PLXNA4: variants seen among roughly 807,000 people sequenced by gnomAD.
PLXNA4 encodes the protein plexin A4, also known as plexin-A4.
A neutral mutation model predicts 191.8 loss-of-function variants in PLXNA4; 44 were observed. The ratio of observed to expected loss-of-function variants is 0.23; its 90% CI spans 0.18 to 0.29. The LOEUF (loss-of-function observed/expected upper bound fraction) is 0.29, where lower values mean the gene tolerates loss of function less well. Among genes scored for constraint, PLXNA4 ranks in the 10% least tolerant of loss-of-function variants. The pLI is 1.00. For synonymous variants in PLXNA4, 1,082 were observed against 1,009.5 expected, an observed-to-expected ratio of 1.07 and a Z score of -1.36; for missense variants, 1,800 against 2,488.8, an observed-to-expected ratio of 0.72 and a Z score of 5.89.
chr7:132,241,236 G>T, intron 4 of PLXNA4, 70 bp from the exon 5 acceptor site: 1 of 1,059,552 alleles, frequency 9.4e-7, no homozygotes, highest in Non-Finnish European at 1.4e-6. Context: ...CAGAAGAGAT[G>T]TTGCTCTAAA....
At chr7:132,548,611 C>T (rs1563164947) in intron 1 of PLXNA4, among the ~76,000 whole-genome samples, 2 of 152,186 alleles carry the variant, frequency 1.3e-5, no homozygotes, top group African/African-American at 2.4e-5. Context: ...AAATACCCAA[C>T]GTAGCTTTTA....
intron 25 of PLXNA4, among the ~76,000 whole-genome samples, chr7:132,155,743 C>T (rs149964344): frequency 9.2e-5 from 14 of 152,230 alleles, no homozygotes; most frequent in African/African-American, 3.4e-4. Flanking sequence ...GTGGGCCCTG[C>T]GGTTTCTGGG....
chr7:132,590,495 C>T (rs904353707), intron 2 of PLXNA4, among the ~76,000 whole-genome samples: 3 of 152,114 alleles, frequency 2.0e-5, no homozygotes, highest in East Asian at 1.9e-4. Context: ...GTAGGGAAGC[C>T]GACAGTGCAG....
At chr7:132,188,328 T>C (rs1796947515) in intron 14 of PLXNA4, among the ~76,000 whole-genome samples, 1 of 152,246 alleles carries the variant, frequency 6.6e-6, no homozygotes, top group African/African-American at 2.4e-5. Context: ...TGCAGTTTGT[T>C]CTTTCATTAG....
intron 3 of PLXNA4, among the ~76,000 whole-genome samples, chr7:132,441,473 A>T (rs1585139733): frequency 6.6e-6 from 1 of 152,194 alleles, no homozygotes; most frequent in African/African-American, 2.4e-5. Context: ...TGAGAATAAC[A>T]ACAAAATTCT....
At chr7:132,380,641 G>A (rs1804854428) in intron 3 of PLXNA4, among the ~76,000 whole-genome samples, 1 of 152,188 alleles carries the variant, frequency 6.6e-6, no homozygotes, top group South Asian at 2.1e-4. Context: ...AAAAGAGACA[G>A]GACGATTTAA....
intron 10 of PLXNA4, 42 bp from the exon 11 acceptor site, chr7:132,203,461 A>G (rs1381668252): frequency 6.4e-7 from 1 of 1,571,774 alleles, no homozygotes; most frequent in East Asian, 2.2e-5. Flanking sequence ...AAGTGGGGTC[A>G]CAGAGAGTTC....
intron 4 of PLXNA4, among the ~76,000 whole-genome samples, chr7:132,262,609 A>T (rs1304685285): frequency 6.6e-6 from 1 of 152,166 alleles, no homozygotes; most frequent in Non-Finnish European, 1.5e-5. Context: ...AGTGTTATGT[A>T]CATGTCAGGT....
intron 2 of PLXNA4, among the ~76,000 whole-genome samples, chr7:132,609,020 C>T (rs1410390413): frequency 1.3e-5 from 2 of 152,146 alleles, no homozygotes; most frequent in African/African-American, 4.8e-5. Flanking sequence ...GGGGCCCTTC[C>T]TACCCTGTCA....
chr7:132,373,172 G>A (rs948303163), intron 3 of PLXNA4, among the ~76,000 whole-genome samples: 5 of 152,164 alleles, frequency 3.3e-5, no homozygotes, highest in African/African-American at 1.2e-4. Context: ...TAGAAGTAAT[G>A]ATAAAACCAG....
chr7:132,587,859 T>C (rs1802530726), intron 2 of PLXNA4, among the ~76,000 whole-genome samples: 1 of 151,934 alleles, frequency 6.6e-6, no homozygotes, highest in African/African-American at 2.4e-5. Context: ...CATGTTCCAT[T>C]TGTCTACTAG....
At chr7:132,220,437 A>G (rs1215698118) in intron 9 of PLXNA4, among the ~76,000 whole-genome samples, 3 of 152,216 alleles carry the variant, frequency 2.0e-5, no homozygotes, top group Non-Finnish European at 4.4e-5. Flanking sequence ...CAAGGTAAAG[A>G]GGAGCCAAAA....
chr7:132,292,638 C>A (rs1470095979), intron 4 of PLXNA4, among the ~76,000 whole-genome samples: 1 of 152,154 alleles, frequency 6.6e-6, no homozygotes, highest in Non-Finnish European at 1.5e-5. Flanking sequence ...TAAGAATATA[C>A]CTGGCCCTTT....
At chr7:132,594,911 G>GTAGATAGATAGA (rs71178042) in intron 2 of PLXNA4, among the ~76,000 whole-genome samples, 2 of 137,810 alleles carry the variant, frequency 1.5e-5, no homozygotes, top group African/African-American at 2.8e-5. Flanking sequence ...AGATAGATAG[G>GTAGATAGATAGA]TAGATAGATA....
rs990465806 is a variant in PLXNA4 at position 132,253,281 on chromosome 7, G to A, written c.1504-12115C>T. Among the ~76,000 whole-genome samples the A allele has an allele frequency of 8.1e-5, 12 of 148,510 alleles. No homozygotes were observed. The East Asian group carries it at 2.4e-3, about 29-fold the overall frequency. On this transcript the variant is annotated intron_variant, in intron 4 of 31. Transcript: ENST00000321063. ...GATAGAGTCTCACTCTGTCACCCAG[G>A]CTGGAGTGCAGTGGCGCGATCTCAG...
At chr7:132,356,487 C>T (rs942922120) in intron 3 of PLXNA4, among the ~76,000 whole-genome samples, 2 of 152,192 alleles carry the variant, frequency 1.3e-5, no homozygotes, top group African/African-American at 4.8e-5. Context: ...ATTCTCACTC[C>T]TGTGCTGAAA....
intron 3 of PLXNA4, among the ~76,000 whole-genome samples, chr7:132,387,043 A>T (rs2116970978): frequency 6.6e-6 from 1 of 152,350 alleles, no homozygotes; most frequent in East Asian, 1.9e-4. Flanking sequence ...CATCAATATC[A>T]AGTTGCTGTA....
intron 3 of PLXNA4, among the ~76,000 whole-genome samples, chr7:132,434,215 C>T (rs1228398912): frequency 6.6e-6 from 1 of 152,212 alleles, no homozygotes; most frequent in Non-Finnish European, 1.5e-5. Flanking sequence ...TCAGATTTGG[C>T]ACTCCGGTGC....
chr7:132,325,683 G>A (rs1802330246), intron 3 of PLXNA4, among the ~76,000 whole-genome samples: 1 of 152,178 alleles, frequency 6.6e-6, no homozygotes, highest in East Asian at 1.9e-4. Flanking sequence ...GCCTCAAGGA[G>A]TGTGGCCCTG....
Sources: gnomAD v4.1 joint callset for allele counts (sites outside exome capture counted in the v4.1 genomes callset) on GRCh38, gnomAD v4.1.1 for gene constraint, MANE v1.5 for transcripts, NCBI Gene and HGNC (gene_info 2026-07-23, HGNC 2026-07-21) for gene names.